Variants in DNAH14 observed in about 807,000 individuals in gnomAD.
The protein encoded by DNAH14 is dynein axonemal heavy chain 14.
A neutral mutation model predicts 520.9 loss-of-function variants in DNAH14; 478 were observed. That is an observed-to-expected ratio of 0.92 (90% CI 0.85 to 0.99). DNAH14 has a LOEUF of 0.99. DNAH14 is among the 50% of genes least tolerant of loss of function. The pLI is 0.00. For synonymous variants in DNAH14, 1,581 were observed against 1,757.2 expected (o/e 0.90, Z 2.51); for missense variants, 4,831 against 5,234.5 (o/e 0.92, Z 2.38).
intron 77 of DNAH14, among the ~76,000 whole-genome samples, chr1:225,371,771 C>T (rs1235878688): frequency 2.6e-5 from 4 of 151,928 alleles, no homozygotes; most frequent in African/African-American, 7.3e-5. Flanking sequence ...GTAGTAAACA[C>T]CCGGGAATGG....
Position 225,345,997 on chromosome 1 carries a change from T to G in DNAH14, c.10714T>G (p.Leu3572Val), listed in dbSNP as rs1299652446. Residue 3572 changes from leucine to valine, a missense_variant, in exon 70 of 86, where the codon TTA (leucine) becomes GTA (valine). By Grantham distance (32) the Leu-to-Val change is conservative. Transcript: ENST00000682510. ...AGATGATGACAAAATTGTAGATACC[T>G]TAAGAAAATCCAAAATGACATCAAA... ...ILDDDKIVDT[L>V]RKSKMTSNEI... is the part of the protein sequence containing the mutation. 1 of 1,551,392 alleles carries G rather than the reference T, an allele frequency of 6.4e-7. No individual in the cohort carries two copies. Among genetic ancestry groups the G allele is most frequent in the Non-Finnish European group, 8.7e-7 (1 of 1,146,896 alleles).
Position 225,051,644 on chromosome 1 carries a change from T to C in DNAH14, c.2273T>C (p.Val758Ala). Reference sequence around the variant, plus strand: ...TTCAGAAACTATTTTAGACATATTGTGAATATGGCCATTGAGAAGCGTATT... The same window carrying C: ...TTCAGAAACTATTTTAGACATATTGCGAATATGGCCATTGAGAAGCGTATT... ...NRFRNYFRHI[V>A]NMAIEKRIGI... The change falls in exon 17 of 86, where the codon GTG (valine) becomes GCG (alanine). Residue 758 changes from valine (V) to alanine (A), a missense_variant. Physicochemically the swap from Val to Ala is moderately conservative, Grantham distance 64. Transcript: ENST00000682510. 6.4e-7 allele frequency: 1 copy of C among 1,551,130 alleles called. No individual in the cohort carries two copies. The highest frequency in any genetic ancestry group is 8.7e-7 in the Non-Finnish European group (1 of 1,146,574).
At chr1:225,307,617 G>C (rs917518202) in intron 59 of DNAH14, 48 bp downstream of exon 59, 1 of 1,409,808 alleles carries the variant, frequency 7.1e-7, no homozygotes, top group African/African-American at 1.5e-5. Flanking sequence ...GTCTAATATA[G>C]AACAGTGTTT....
chr1:224,939,697 A>T (rs2059282717), intron 1 of DNAH14, among the ~76,000 whole-genome samples: 1 of 152,122 alleles, frequency 6.6e-6, no homozygotes, highest in Non-Finnish European at 1.5e-5. Context: ...AACAAAAAAA[A>T]CTAATCAAAA....
At chr1:225,096,567 A>G (rs2074994379) in intron 21 of DNAH14, among the ~76,000 whole-genome samples, 1 of 152,176 alleles carries the variant, frequency 6.6e-6, no homozygotes, top group Non-Finnish European at 1.5e-5. Flanking sequence ...CATACAATGG[A>G]ATTTCCTGAA....
At chr1:225,028,083 G>T (rs965702390) in intron 11 of DNAH14, among the ~76,000 whole-genome samples, 3 of 151,900 alleles carry the variant, frequency 2.0e-5, no homozygotes, top group Admixed American at 1.3e-4. Context: ...AAAGGACATT[G>T]GTCTGTAGTT....
chr1:224,976,475 A>G (rs1019802241), intron 8 of DNAH14, among the ~76,000 whole-genome samples: 3 of 152,200 alleles, frequency 2.0e-5, no homozygotes, highest in African/African-American at 7.2e-5. Flanking sequence ...ACGAAAGCCA[A>G]AATTGACAAA....
At chr1:225,173,782 A>G (rs2082986473) in intron 36 of DNAH14, among the ~76,000 whole-genome samples, 1 of 152,230 alleles carries the variant, frequency 6.6e-6, no homozygotes, top group African/African-American at 2.4e-5. Flanking sequence ...AGGATTATAA[A>G]TCATGCTAGT....
intron 10 of DNAH14, among the ~76,000 whole-genome samples, chr1:225,011,061 T>C (rs2064687800): frequency 6.6e-6 from 1 of 152,228 alleles, no homozygotes. Context: ...CCTGGATTCA[T>C]TGATTTTTTG....
intron 7 of DNAH14, among the ~76,000 whole-genome samples, chr1:224,973,808 C>T (rs75581184): frequency 0.055 from 8,397 of 151,952 alleles, 469 homozygotes; most frequent in East Asian, 0.24. Context: ...TAAAGGAAAA[C>T]GGTATTTTAA....
chr1:225,342,711 C>G (rs987124417), intron 69 of DNAH14, among the ~76,000 whole-genome samples: 16 of 117,860 alleles, frequency 1.4e-4, no homozygotes, highest in African/African-American at 4.2e-4. Context: ...CACACACACA[C>G]ACACACACAT....
In DNAH14 at chr1:225,285,061, T is replaced by C. The variant is rs536494598; in HGVS notation, c.8272-4824T>C. ...AAGACAAAATGCTTTTCCCCTAAGA[T>C]TGAGAACAAAGCAAGAATGTTTTGC... is the stretch of plus-strand genomic sequence containing the variant. On this transcript the variant is annotated intron_variant, in intron 54 of 85. Coordinates refer to ENST00000682510, the MANE Select transcript of DNAH14 (RefSeq NM_001367479.1). 2.6e-3 allele frequency among the ~76,000 whole-genome samples: 398 copies of C among 152,250 alleles called. 2 individuals are homozygous for C. The highest frequency in any genetic ancestry group is 2.6e-3 in the Non-Finnish European group (176 of 68,024).
intron 77 of DNAH14, among the ~76,000 whole-genome samples, chr1:225,372,674 T>C (rs1467624963): frequency 6.6e-6 from 1 of 152,106 alleles, no homozygotes. Flanking sequence ...GTAACCCGAA[T>C]TGAAAACCCA....
At chr1:225,147,588 A>G (rs2149065570) in intron 31 of DNAH14, among the ~76,000 whole-genome samples, 1 of 152,272 alleles carries the variant, frequency 6.6e-6, no homozygotes, top group South Asian at 2.1e-4. Flanking sequence ...ATCTTAGAAT[A>G]TTGCATTTGA....
intron 3 of DNAH14, among the ~76,000 whole-genome samples, chr1:224,956,352 G>T (rs528627669): frequency 6.6e-6 from 1 of 152,246 alleles, no homozygotes; most frequent in East Asian, 1.9e-4. Flanking sequence ...AATATATGAT[G>T]ATGGTCCCAT....
chr1:225,054,432 C>G (rs956671667), intron 17 of DNAH14, among the ~76,000 whole-genome samples: 3 of 152,012 alleles, frequency 2.0e-5, no homozygotes, highest in Non-Finnish European at 4.4e-5. Context: ...TTCATTTAAA[C>G]CCCAAAAAGT....
chr1:225,118,776 G>T (rs1038099595), intron 25 of DNAH14, among the ~76,000 whole-genome samples: 1 of 151,652 alleles, frequency 6.6e-6, no homozygotes, highest in African/African-American at 2.4e-5. Flanking sequence ...CCAGCTACTT[G>T]GGGGGCTGGG....
intron 55 of DNAH14, among the ~76,000 whole-genome samples, chr1:225,292,739 T>A (rs1293449060): frequency 6.6e-6 from 1 of 152,158 alleles, no homozygotes; most frequent in Non-Finnish European, 1.5e-5. Context: ...ACATGGGATG[T>A]CTTTCCATTT....
chr1:225,308,314 G>T lies in DNAH14; in HGVS notation c.9144G>T (p.Arg3048=), dbSNP rs1455072831. The T allele has an allele frequency of 1.3e-6, 2 of 1,539,840 alleles. No individual in the cohort carries two copies. The highest frequency in any genetic ancestry group is 4.2e-5 in the Admixed American group (2 of 48,074). ...KETETLMEKL[R]KDSQVVEKVQ... ...CAGAAACTCTAATGGAAAAACTACG[G>T]AAAGATTCACAAGTAGTTGAGAAAG... The change falls in exon 60 of 86, where the codon CGG becomes CGT. Residue 3048 remains arginine (R), a synonymous_variant. Transcript: ENST00000682510.
Sources: gnomAD v4.1 joint callset for allele counts (sites outside exome capture counted in the v4.1 genomes callset) on GRCh38, gnomAD v4.1.1 for gene constraint, MANE v1.5 for transcripts, NCBI Gene and HGNC (gene_info 2026-07-23, HGNC 2026-07-21) for gene names.